Variants in TMEM132D observed in about 807,000 individuals in gnomAD.
The protein encoded by TMEM132D is mature OL transmembrane protein.
TMEM132D carries 21 observed loss-of-function variants against 62.3 expected under a neutral mutation model. The observed-to-expected ratio is 0.34, with a 90% CI of 0.24 to 0.49. TMEM132D has a LOEUF of 0.49. Ranked by LOEUF, TMEM132D falls within the 20% of genes least tolerant of loss-of-function variation. The pLI, the probability that TMEM132D is intolerant of heterozygous loss-of-function variation, is 0.99. For missense variants in TMEM132D, 1,346 were observed against 1,402.8 expected (o/e 0.96, Z 0.65); for synonymous variants, 621 against 575.6 (o/e 1.08, Z -1.13).
chr12:129,172,292 C>A (rs1877757271), intron 5 of TMEM132D, among the ~76,000 whole-genome samples: 1 of 152,254 alleles, frequency 6.6e-6, no homozygotes, highest in African/African-American at 2.4e-5. Flanking sequence ...AATGTTGCAG[C>A]TGGTCTGATC....
chr12:129,121,230 G>T (rs541912825), intron 5 of TMEM132D, among the ~76,000 whole-genome samples: 1 of 152,128 alleles, frequency 6.6e-6, no homozygotes, highest in South Asian at 2.1e-4. Context: ...CAAGTAGCTG[G>T]GATTACAGGT....
chr12:129,426,312 T>C (rs1872495008), intron 3 of TMEM132D, among the ~76,000 whole-genome samples: 1 of 152,146 alleles, frequency 6.6e-6, no homozygotes, highest in Non-Finnish European at 1.5e-5. Context: ...GGTTCCCTAA[T>C]CAGACAAGCA....
intron 2 of TMEM132D, among the ~76,000 whole-genome samples, chr12:129,635,975 G>T (rs564785108): frequency 6.6e-6 from 1 of 152,192 alleles, no homozygotes; most frequent in African/African-American, 2.4e-5. Flanking sequence ...GGCATAAGTG[G>T]ATTCAAATAT....
At chr12:129,809,252 G>A (rs1444832109) in intron 1 of TMEM132D, among the ~76,000 whole-genome samples, 2 of 149,764 alleles carry the variant, frequency 1.3e-5, no homozygotes, top group African/African-American at 4.9e-5. Flanking sequence ...AGGTTGCAGT[G>A]AGCTGAGATC....
chr12:129,531,787 T>A (rs1037113487), intron 2 of TMEM132D, among the ~76,000 whole-genome samples: 2 of 152,182 alleles, frequency 1.3e-5, no homozygotes, highest in Non-Finnish European at 2.9e-5. Flanking sequence ...CCCAGCCCTG[T>A]TTGCTTTTTA....
chr12:129,472,679 A>G (rs1874127218), intron 3 of TMEM132D, among the ~76,000 whole-genome samples: 1 of 152,214 alleles, frequency 6.6e-6, no homozygotes, highest in Non-Finnish European at 1.5e-5. Context: ...GACATAGTTG[A>G]AATGACAACA....
At position 129,427,064 on chromosome 12, in the gene TMEM132D, C is replaced by T. The variant is rs562837438; in HGVS notation, c.1116-89247G>A. Among the ~76,000 whole-genome samples the T allele has an allele frequency of 7.2e-4, 109 of 152,278 alleles. 1 individual carries two copies. Among genetic ancestry groups the T allele is most frequent in the African/African-American group, 2.6e-3 (106 of 41,568 alleles). Reference sequence around the variant, plus strand: ...AAAGGATGTTTGCAAGAAATAAATACGATCCCATATGGGAAGCACACATGC... The same window carrying T: ...AAAGGATGTTTGCAAGAAATAAATATGATCCCATATGGGAAGCACACATGC... On this transcript the variant is annotated intron_variant, in intron 3 of 8. Coordinates refer to ENST00000422113, the MANE Select transcript of TMEM132D (RefSeq NM_133448.3).
intron 4 of TMEM132D, among the ~76,000 whole-genome samples, chr12:129,326,556 C>A (rs1868917331): frequency 1.3e-5 from 2 of 152,138 alleles, no homozygotes; most frequent in Non-Finnish European, 2.9e-5. Context: ...ACTGTTACAC[C>A]CATTTGCTTA....
intron 3 of TMEM132D, among the ~76,000 whole-genome samples, chr12:129,525,028 C>A (rs538095097): frequency 4.4e-5 from 6 of 137,850 alleles, no homozygotes; most frequent in African/African-American, 1.6e-4. Context: ...CGGGTTCAAG[C>A]GACTCCCCTG....
chr12:129,606,208 C>T (rs1224291023), intron 2 of TMEM132D, among the ~76,000 whole-genome samples: 2 of 152,084 alleles, frequency 1.3e-5, no homozygotes, highest in East Asian at 1.9e-4. Context: ...TGATAGTCTT[C>T]GGGAAATGTC....
chr12:129,441,562 G>T (rs1362077889), intron 3 of TMEM132D, among the ~76,000 whole-genome samples: 1 of 152,134 alleles, frequency 6.6e-6, no homozygotes, highest in African/African-American at 2.4e-5. Context: ...ACACAGAGAA[G>T]GAGAAATAGC....
intron 3 of TMEM132D, among the ~76,000 whole-genome samples, chr12:129,396,611 A>G (rs1192076107): frequency 6.6e-6 from 1 of 152,162 alleles, no homozygotes; most frequent in African/African-American, 2.4e-5. Context: ...GGGGCTTTGG[A>G]AGTGCATGGA....
chr12:129,720,778 T>C (rs1242909691), intron 1 of TMEM132D, among the ~76,000 whole-genome samples: 1 of 151,646 alleles, frequency 6.6e-6, no homozygotes, highest in East Asian at 1.9e-4. Flanking sequence ...GATCTGGGAT[T>C]CCACAGAGAT....
chr12:129,820,951 G>C (rs918019978), intron 1 of TMEM132D, among the ~76,000 whole-genome samples: 9 of 152,160 alleles, frequency 5.9e-5, no homozygotes, highest in African/African-American at 2.2e-4. Context: ...AAGTGCTGAT[G>C]AATCTGACAA....
intron 3 of TMEM132D, among the ~76,000 whole-genome samples, chr12:129,483,856 A>G (rs542954126): frequency 5.3e-4 from 81 of 152,328 alleles, no homozygotes; most frequent in African/African-American, 1.8e-3. Context: ...CTTGATGAAA[A>G]TATCTGCATT....
At chr12:129,349,094 A>G (rs1251975386) in intron 3 of TMEM132D, among the ~76,000 whole-genome samples, 1 of 152,084 alleles carries the variant, frequency 6.6e-6, no homozygotes, top group Non-Finnish European at 1.5e-5. Flanking sequence ...TGAATGCCCC[A>G]CTCCCTGTTG....
chr12:129,478,127 A>G (rs1293889056), intron 3 of TMEM132D, among the ~76,000 whole-genome samples: 2 of 152,238 alleles, frequency 1.3e-5, no homozygotes. Context: ...GAAAAGTTAC[A>G]GTAAAAATAT....
At chr12:129,575,256 A>G (rs1181167033) in intron 2 of TMEM132D, among the ~76,000 whole-genome samples, 1 of 151,800 alleles carries the variant, frequency 6.6e-6, no homozygotes, top group Non-Finnish European at 1.5e-5. Flanking sequence ...GTTACTGGTG[A>G]GGCTACCCAT....
At chr12:129,715,607 T>C (rs1868542441) in intron 1 of TMEM132D, among the ~76,000 whole-genome samples, 1 of 152,224 alleles carries the variant, frequency 6.6e-6, no homozygotes, top group African/African-American at 2.4e-5. Context: ...GGGATCAACC[T>C]GCACATGTGC....
Sources: allele counts gnomAD v4.1 joint callset (sites outside exome capture counted in the v4.1 genomes callset), GRCh38; gene constraint gnomAD v4.1.1; transcripts MANE v1.5; gene names NCBI Gene and HGNC (gene_info 2026-07-23, HGNC 2026-07-21).